Variants in IGSF9 observed in about 807,000 individuals in gnomAD.
IGSF9 encodes protein turtle homolog A.
IGSF9 carries 87 observed loss-of-function variants against 121.7 expected under a neutral mutation model. That is an observed-to-expected ratio of 0.71 (90% CI 0.60 to 0.85). The LOEUF is 0.85. Among genes scored for constraint, IGSF9 ranks in the 40% least tolerant of loss-of-function variants. The pLI is 0.00. For missense variants in IGSF9, 1,462 were observed against 1,565.3 expected (o/e 0.93, Z 1.11); for synonymous variants, 640 against 648.4 (o/e 0.99, Z 0.20).
rs899976271 is a variant in IGSF9 at position 159,932,079 on chromosome 1, C to A, written c.1246-151G>T. 5.1e-6 allele frequency: 3 copies of A among 593,226 alleles called. No individual in the cohort carries two copies. Among genetic ancestry groups the A allele is most frequent in the African/African-American group, 3.7e-5 (2 of 53,640 alleles). The allele number at this position is 593,226 out of a possible 1,614,324, so 36.7% of individuals were successfully genotyped here. A position where few individuals can be genotyped will look rare whatever the true frequency, so the allele number is the denominator to read the frequency against. On this transcript the variant is annotated intron_variant, in intron 10 of 20. Coordinates refer to ENST00000368094, the MANE Select transcript of IGSF9 (RefSeq NM_001135050.2). This position sits in a 1 kb window ranked among gnomAD's most constrained non-coding sequence, Gnocchi z 4.1. ...TCACCAAGCCTGTCTCTACCTCATT[C>A]TCTCTCCATCTCTCAATTCCTCTCT...
At position 159,930,287 on chromosome 1, in the gene IGSF9, A is replaced by C; in HGVS notation, c.1966T>G (p.Tyr656Asp). 1 of 1,613,784 alleles carries C rather than the reference A, an allele frequency of 6.2e-7. No homozygotes were observed. The highest frequency in any genetic ancestry group is 8.5e-7 in the Non-Finnish European group (1 of 1,179,898). ...PELVPKRLDG[Y>D]VLEGRQGSQG... is the part of the protein sequence containing the mutation. ...GAGCCTTGCCGGCCTTCCAAGACGTAGCCATCCAGTCTCTTAGGGACCAGC... is the reference window on the plus strand; with the variant it reads ...GAGCCTTGCCGGCCTTCCAAGACGTCGCCATCCAGTCTCTTAGGGACCAGC... The change falls in exon 15 of 21, where the codon TAC becomes GAC. Residue 656 changes from tyrosine to aspartate, a missense_variant. By Grantham distance (160) the Tyr-to-Asp change is radical. Transcript: ENST00000368094.
rs753928344 is a variant in IGSF9 at position 159,943,055 on chromosome 1, AG to A, written c.154del (p.Leu52CysfsTer79). 1.6e-5 allele frequency: 26 copies of A among 1,612,954 alleles called. No homozygotes were observed. Among genetic ancestry groups the A allele is most frequent in the Admixed American group, 6.7e-5 (4 of 59,876 alleles). ...AAAGCGCAGCCACTCGATGACATGC[AG>A]GGGGGGCCGGCCGGCCGGGGGCAGC... ...DLLPPAGRPP[L>X]HVIEWLRFGF... On this transcript the variant is annotated frameshift_variant, in exon 3 of 21. Transcript: ENST00000368094. LOFTEE classifies it high-confidence loss of function.
rs137951399 is a variant in IGSF9, at chr1:159,934,568, C to T, written c.818G>A (p.Arg273His). Residue 273 changes from arginine to histidine, a missense_variant and splice_region_variant, in exon 8 of 21, where the codon CGC becomes CAC. This residue lies in a region of IGSF9 where 558 missense variants were observed against 599.4 expected (regional missense o/e 0.93). Transcript: ENST00000368094. ...CAGGATCCGCACCCGGGGCTGCAGG[C>T]GGCTGCAATGTGGCATGTGTGAGGA... is the stretch of plus-strand genomic sequence containing the variant. ...QDNINVFHIS[R>H]LQPRVRILVD... The T allele has an allele frequency of 7.3e-4, 1,180 of 1,613,680 alleles. No homozygotes were observed. Among genetic ancestry groups the T allele is most frequent in the Middle Eastern group, 3.6e-3 (22 of 6,058 alleles).
chr1:159,929,185 G>A (rs1305637734), intron 18 of IGSF9, 166 bp downstream of exon 18: 1 of 1,294,016 alleles, frequency 7.7e-7, no homozygotes, highest in South Asian at 1.2e-5. Context: ...GGCCATACTG[G>A]AACGGCCTCA....
At chr1:159,930,657 T>G (rs778297763) in intron 14 of IGSF9, 35 bp downstream of exon 14, 1 of 1,612,712 alleles carries the variant, frequency 6.2e-7, no homozygotes, top group South Asian at 1.1e-5. Flanking sequence ...TTCCCCATCC[T>G]TGTCTCTGCT....
chr1:159,930,384 G>C lies in IGSF9; in HGVS notation c.1869C>G (p.Pro623=). Residue 623 remains proline (P), a synonymous_variant, in exon 15 of 21, where the codon CCC becomes CCG. Coordinates refer to ENST00000368094, the MANE Select transcript of IGSF9 (RefSeq NM_001135050.2). ...PGLPPTEIPP[P]LSPPRGLVAV... is the part of the protein sequence containing the mutation. ...CCACCAGACCCCGCGGAGGGGACAGGGGAGGCGGTATCTCTGTTGGGGGAA... is the reference window on the plus strand; with the variant it reads ...CCACCAGACCCCGCGGAGGGGACAGCGGAGGCGGTATCTCTGTTGGGGGAA... 1.3e-6 allele frequency: 2 copies of C among 1,580,958 alleles called. No individual in the cohort carries two copies. Among genetic ancestry groups the C allele is most frequent in the Non-Finnish European group, 1.7e-6 (2 of 1,162,280 alleles).
In IGSF9 at chr1:159,928,886, T is replaced by A; in HGVS notation, c.2502A>T (p.Pro834=). The A allele has an allele frequency of 6.3e-7, 1 of 1,595,424 alleles. No homozygotes were observed. The highest frequency in any genetic ancestry group is 8.5e-7 in the Non-Finnish European group (1 of 1,171,592). ...CCAGAGGTAAGGGTCCCCGGCTAGA[T>A]GGAGGATCCGGGTGGGGGCTGGGAG... ...AGTPSPHPDP[P]SSRGPLPLEP... The change falls in exon 19 of 21, where the codon CCA becomes CCT. Residue 834 remains proline, a synonymous_variant. Coordinates refer to ENST00000368094, the MANE Select transcript of IGSF9 (RefSeq NM_001135050.2).
chr1:159,932,833 C>T lies in IGSF9; in HGVS notation c.1105-181G>A, dbSNP rs1651044550. On this transcript the variant is annotated intron_variant, in intron 9 of 20. Transcript: ENST00000368094. The surrounding 1 kb of genome is among the most constrained non-coding windows in gnomAD (Gnocchi z 4.1). ...GCTTCCTTTCCTTCCTGCAGAGGGACCCCTCCCAATAGTGTGAGGCTGTGA... is the reference window on the plus strand; with the variant it reads ...GCTTCCTTTCCTTCCTGCAGAGGGATCCCTCCCAATAGTGTGAGGCTGTGA... 4.9e-6 allele frequency: 3 copies of T among 608,760 alleles called. No individual in the cohort carries two copies. The highest frequency in any genetic ancestry group is 8.4e-6 in the Non-Finnish European group (3 of 356,012). 37.7% of individuals were successfully genotyped at this position (608,760 alleles called of 1,614,324 possible).
rs1553225973 is a variant in IGSF9 at position 159,927,097 on chromosome 1, C to CAGAG, written c.*244_*247dup. The stretch of plus-strand genomic sequence containing the variant: ...AACTTCACACACACACACACACACA[C>CAGAG]AGAGAGAGAGAGAGAGAGAGAGAGA... On this transcript the variant is annotated 3_prime_UTR_variant, in exon 21 of 21. Transcript: ENST00000368094. The CAGAG allele has an allele frequency of 2.9e-3, 1,092 of 371,698 alleles. 4 individuals are homozygous for CAGAG. The highest frequency in any genetic ancestry group is 9.2e-3 in the African/African-American group (390 of 42,302). 23.0% of individuals were successfully genotyped at this position (371,698 alleles called of 1,614,324 possible).
chr1:159,936,320 G>A, intron 6 of IGSF9, 79 bp downstream of exon 6: 4 of 1,260,892 alleles, frequency 3.2e-6, no homozygotes, highest in Non-Finnish European at 4.6e-6. Context: ...CTCCTATCTT[G>A]CTGTGAACCA....
At position 159,928,256 on chromosome 1, in the gene IGSF9, T is replaced by C. The variant is rs1239637820; in HGVS notation, c.3132A>G (p.Gly1044=). 6.2e-7 allele frequency: 1 copy of C among 1,613,182 alleles called. No individual in the cohort carries two copies. Among genetic ancestry groups the C allele is most frequent in the Non-Finnish European group, 8.5e-7 (1 of 1,179,876 alleles). The change falls in exon 19 of 21, where the codon GGA becomes GGG. Residue 1044 remains glycine, a synonymous_variant. Coordinates refer to ENST00000368094, the MANE Select transcript of IGSF9 (RefSeq NM_001135050.2). The part of the protein sequence containing the change: ...LRPPSTAPSA[G]GSYLSPAPGD... ...CTGGAGCAGGGCTGAGGTAGCTGCC[T>C]CCTGCAGAGGGGGCTGTGGAGGGGG...
chr1:159,934,437 G>A lies in IGSF9; in HGVS notation c.949C>T (p.Leu317Phe). 2 of 1,585,280 alleles carry A rather than the reference G, an allele frequency of 1.3e-6. No individual in the cohort carries two copies. Among genetic ancestry groups the A allele is most frequent in the South Asian group, 1.1e-5 (1 of 87,398 alleles). Residue 317 changes from leucine to phenylalanine, a missense_variant, in exon 8 of 21, where the codon CTC becomes TTC. Leu to Phe is a conservative substitution (Grantham distance 22, BLOSUM62 0). Around this residue, in one of 3 missense-constraint regions of IGSF9, gnomAD observed 558 missense variants for 599.4 expected, o/e 0.93. Transcript: ENST00000368094. ...LLHPPSASAY[L>F]TVLYPAQVTA... ...GGGTCAGGCTTACAGAGCACAGTGA[G>A]GTAGGCAGAGGCTGAGGGTGGATGC...
chr1:159,935,202 A>G (rs1571216929), intron 6 of IGSF9, among the ~76,000 whole-genome samples: 1 of 152,028 alleles, frequency 6.6e-6, no homozygotes, highest in Admixed American at 6.6e-5. Flanking sequence ...CCTCACCTCA[A>G]GATGCTGCAG....
chr1:159,932,819 T>G lies in IGSF9; in HGVS notation c.1105-167A>C. 3.1e-6 allele frequency: 2 copies of G among 642,348 alleles called. No homozygotes were observed. The highest frequency in any genetic ancestry group is 6.5e-5 in the Admixed American group (2 of 30,678). The allele number at this position is 642,348 out of a possible 1,614,324, so 39.8% of individuals were successfully genotyped here. On this transcript the variant is annotated intron_variant, in intron 9 of 20. Coordinates refer to ENST00000368094, the MANE Select transcript of IGSF9 (RefSeq NM_001135050.2). This position sits in a 1 kb window ranked among gnomAD's most constrained non-coding sequence, Gnocchi z 4.1. ...CTCTGATTTCCAGTGCTTCCTTTCC[T>G]TCCTGCAGAGGGACCCCTCCCAATA...
intron 9 of IGSF9, chr1:159,933,785 T>C (rs1359388505): frequency 1.5e-5 from 4 of 260,296 alleles, no homozygotes; most frequent in African/African-American, 7.0e-5. Context: ...TCTGCCCAGA[T>C]GGTGCCCACT....
chr1:159,942,913 C>T, intron 3 of IGSF9, 50 bp downstream of exon 3: 2 of 1,543,066 alleles, frequency 1.3e-6, no homozygotes, highest in Non-Finnish European at 1.8e-6. Context: ...CTACCCAGCC[C>T]ACCTTTCTTG....
rs1479588478 is a variant in IGSF9, at chr1:159,930,214, T to C, written c.2039A>G (p.Glu680Gly). Residue 680 changes from glutamate (E) to glycine (G), a missense_variant, in exon 15 of 21, where the codon GAG (glutamate) becomes GGG (glycine). Glu to Gly is a moderately conservative substitution (Grantham distance 98). Coordinates refer to ENST00000368094, the MANE Select transcript of IGSF9 (RefSeq NM_001135050.2). ...LDPAVAGTETELLVPGLIKDV... is the reference protein window; with the variant it reads ...LDPAVAGTETGLLVPGLIKDV... ...CTTGATGAGGCCTGGCACCAGCAGCTCTGTTTCTGTGCCTGCCACAGCCGG... is the reference window on the plus strand; with the variant it reads ...CTTGATGAGGCCTGGCACCAGCAGCCCTGTTTCTGTGCCTGCCACAGCCGG... 1 of 1,611,778 alleles carries C rather than the reference T, an allele frequency of 6.2e-7. No homozygotes were observed. Among genetic ancestry groups the C allele is most frequent in the Non-Finnish European group, 8.5e-7 (1 of 1,178,912 alleles).
chr1:159,943,303 T>C, intron 2 of IGSF9, 94 bp downstream of exon 2: 2 of 1,369,598 alleles, frequency 1.5e-6, no homozygotes, highest in East Asian at 5.2e-5. Flanking sequence ...ATTCCTCCCC[T>C]GCCCTCACAT....
rs753669966 is a variant in IGSF9 at position 159,931,273 on chromosome 1, G to A, written c.1514-12C>T. ...ATGAGGGCTAGTGCCTAGGCAGGGG[G>A]GAATGGAGGGATGGTGGTCAGGGCC... On this transcript the variant is annotated splice_polypyrimidine_tract_variant and intron_variant, in intron 12 of 20. Transcript: ENST00000368094. The surrounding 1 kb of genome is among the most constrained non-coding windows in gnomAD (Gnocchi z 4.8). 86 of 1,613,968 alleles carry A rather than the reference G, an allele frequency of 5.3e-5. No individual in the cohort carries two copies. Among genetic ancestry groups the A allele is most frequent in the Admixed American group, 1.0e-4 (6 of 60,000 alleles).
Sources: gnomAD v4.1 joint callset for allele counts (sites outside exome capture counted in the v4.1 genomes callset) on GRCh38, gnomAD v4.1.1 for gene constraint, gnomAD v4.1.1 regional missense constraint, Gnocchi (gnomAD v3.1) non-coding constraint, MANE v1.5 for transcripts, NCBI Gene and HGNC (gene_info 2026-07-23, HGNC 2026-07-21) for gene names.